Variants in KYNU observed in about 807,000 individuals in gnomAD.
The protein encoded by KYNU is kynureninase.
A neutral mutation model predicts 59.2 loss-of-function variants in KYNU; 54 were observed. The ratio of observed to expected loss-of-function variants is 0.91; its 90% CI spans 0.73 to 1.14. The LOEUF is 1.14. Among genes scored for constraint, KYNU ranks in the 50% most tolerant of loss-of-function variants. The probability of loss-of-function intolerance (pLI) is 0.00; values close to 1 mark genes in which losing one functional copy is unlikely to be tolerated. For missense variants in KYNU, 567 were observed against 554.4 expected, an observed-to-expected ratio of 1.02 and a Z score of -0.23; for synonymous variants, 177 against 192.0, an observed-to-expected ratio of 0.92 and a Z score of 0.65.
chr2:142,980,429 T>TG (rs1306067079), intron 8 of KYNU, among the ~76,000 whole-genome samples: 1 of 152,074 alleles, frequency 6.6e-6, no homozygotes, highest in Non-Finnish European at 1.5e-5. Flanking sequence ...TTACTAGGAA[T>TG]GCAGCCCAGC....
At chr2:142,894,979 G>C (rs1681820613) in intron 2 of KYNU, among the ~76,000 whole-genome samples, 1 of 152,116 alleles carries the variant, frequency 6.6e-6, no homozygotes, top group African/African-American at 2.4e-5. Context: ...TTTAACAAGT[G>C]ATGCTGGACC....
intron 10 of KYNU, among the ~76,000 whole-genome samples, chr2:143,017,434 C>CTTTTTTTTTTTTTTTT (rs1184177776): frequency 1.6e-4 from 11 of 68,448 alleles, no homozygotes; most frequent in Non-Finnish European, 2.3e-4. Flanking sequence ...TCTCTTTTTT[C>CTTTTTTTTTTTTTTTT]TTTTTTTTTT....
At chr2:142,988,384 T>C (rs570890297) in intron 10 of KYNU, among the ~76,000 whole-genome samples, 27 of 151,920 alleles carry the variant, frequency 1.8e-4, no homozygotes, top group Non-Finnish European at 3.5e-4. Flanking sequence ...AGTTTGTAAC[T>C]ATCACCAAGT....
In KYNU at chr2:143,051,072, CA is replaced by C. The variant is rs1432786498; in HGVS notation, c.*8903del. 7.9e-5 allele frequency: 12 copies of C among 152,280 alleles called. No individual in the cohort carries two copies. Among genetic ancestry groups the C allele is most frequent in the African/African-American group, 2.9e-4 (12 of 41,572 alleles). The allele number at this position is 152,280 out of a possible 1,614,324, so 9.4% of individuals were successfully genotyped here. A position where few individuals can be genotyped will look rare whatever the true frequency, so the allele number is the denominator to read the frequency against. Reference sequence around the variant, plus strand: ...TTTTAATTTCAGCAAGATTTAGTCTCAAATAACACAATAATAATGGAGGTCA... The same window carrying C: ...TTTTAATTTCAGCAAGATTTAGTCTCAATAACACAATAATAATGGAGGTCA... On this transcript the variant is annotated 3_prime_UTR_variant, in exon 14 of 14. Transcript: ENST00000264170.
intron 4 of KYNU, among the ~76,000 whole-genome samples, chr2:142,938,843 C>T (rs1683483443): frequency 6.6e-6 from 1 of 151,778 alleles, no homozygotes; most frequent in Non-Finnish European, 1.5e-5. Flanking sequence ...TTATAGGGGG[C>T]CAGGCATAGT....
chr2:143,031,949 TGAGAGAGA>T (rs139000371), intron 11 of KYNU, among the ~76,000 whole-genome samples: 1 of 148,406 alleles, frequency 6.7e-6, no homozygotes, highest in Non-Finnish European at 1.5e-5. Flanking sequence ...TGATGGGAGG[TGAGAGAGA>T]GAGAGAAAGA....
chr2:143,017,434 C>CTTTTTTTTTTTTT lies in KYNU; in HGVS notation c.903-12181_903-12169dup, dbSNP rs1184177776. ...TTTTTTGACCTTTTCTCTCTTTTTT[C>CTTTTTTTTTTTTT]TTTTTTTTTTTTTTTTTTTTTTTTG... is the stretch of plus-strand genomic sequence containing the variant. On this transcript the variant is annotated intron_variant, in intron 10 of 13. Transcript: ENST00000264170. Among the ~76,000 whole-genome samples the CTTTTTTTTTTTTT allele has an allele frequency of 7.0e-4, 48 of 68,454 alleles. 1 individual carries two copies. Among genetic ancestry groups the CTTTTTTTTTTTTT allele is most frequent in the African/African-American group, 1.3e-3 (21 of 16,766 alleles). The allele number at this position is 68,454 out of a possible 152,430, so 44.9% of individuals were successfully genotyped here.
intron 10 of KYNU, among the ~76,000 whole-genome samples, chr2:143,001,943 T>C (rs566375967): frequency 6.6e-6 from 1 of 152,326 alleles, no homozygotes; most frequent in Admixed American, 6.5e-5. Context: ...CTATTCCTTT[T>C]GAACAGGATT....
At chr2:142,983,665 GAGGGTCTT>G (rs1368403669) in intron 8 of KYNU, among the ~76,000 whole-genome samples, 33 of 152,172 alleles carry the variant, frequency 2.2e-4, no homozygotes, top group African/African-American at 5.3e-4. Context: ...AAAAACCACT[GAGGGTCTT>G]AGGAGATTTG....
intron 12 of KYNU, among the ~76,000 whole-genome samples, chr2:143,037,856 GA>G (rs1002300510): frequency 6.6e-6 from 1 of 152,112 alleles, no homozygotes; most frequent in African/African-American, 2.4e-5. Flanking sequence ...GTGAAGCTCA[GA>G]ATAGACTTTT....
At chr2:143,028,164 C>G (rs1686630371) in intron 10 of KYNU, among the ~76,000 whole-genome samples, 1 of 143,370 alleles carries the variant, frequency 7.0e-6, no homozygotes, top group Non-Finnish European at 1.5e-5. Flanking sequence ...GTTTTATAGT[C>G]TTTTTCATGT....
Position 143,042,040 on chromosome 2 carries a change from C to T in KYNU, c.1273-7C>T, listed in dbSNP as rs1266161840. On this transcript the variant is annotated splice_region_variant and splice_polypyrimidine_tract_variant and intron_variant, in intron 13 of 13. Transcript: ENST00000264170. ...AACATTATTGTGGCTTTATTTTTTCCCCACAGTGTGACAAGCGGAATCCAA... is the reference window on the plus strand; with the variant it reads ...AACATTATTGTGGCTTTATTTTTTCTCCACAGTGTGACAAGCGGAATCCAA... 3.1e-6 allele frequency: 5 copies of T among 1,610,854 alleles called. No homozygotes were observed. In the South Asian group the frequency reaches 3.3e-5, roughly 11 times the overall value.
chr2:142,996,552 G>T (rs1442806952), intron 10 of KYNU, among the ~76,000 whole-genome samples: 1 of 152,072 alleles, frequency 6.6e-6, no homozygotes, highest in African/African-American at 2.4e-5. Flanking sequence ...AAAGAAGAGG[G>T]ATGTTGGGAG....
chr2:142,924,547 T>C (rs998971496), intron 3 of KYNU, among the ~76,000 whole-genome samples: 4 of 152,240 alleles, frequency 2.6e-5, no homozygotes, highest in African/African-American at 7.2e-5. Context: ...CTTTGTGGGA[T>C]GGTTACAGCA....
intron 4 of KYNU, among the ~76,000 whole-genome samples, chr2:142,928,906 G>A (rs1364443969): frequency 1.3e-5 from 2 of 150,524 alleles, no homozygotes; most frequent in African/African-American, 4.9e-5. Flanking sequence ...TACTTGAGAG[G>A]CTGAGGTGGG....
chr2:142,901,513 C>T (rs142443199), intron 2 of KYNU, among the ~76,000 whole-genome samples: 2,699 of 152,164 alleles, frequency 0.018, 65 homozygotes, highest in African/African-American at 0.062. Context: ...CTGATGACCC[C>T]GGCAGTGTAA....
chr2:142,919,223 A>C (rs566013505), intron 3 of KYNU, among the ~76,000 whole-genome samples: 9 of 152,346 alleles, frequency 5.9e-5, no homozygotes, highest in African/African-American at 1.9e-4. Context: ...GGATCAGAAT[A>C]AGGTGACATA....
chr2:142,895,994 T>C (rs1490100435), intron 2 of KYNU, among the ~76,000 whole-genome samples: 6 of 152,228 alleles, frequency 3.9e-5, no homozygotes, highest in African/African-American at 9.6e-5. Flanking sequence ...GTCTCATATA[T>C]TCTTTCTCTT....
chr2:142,976,488 A>C (rs1438732132), intron 8 of KYNU, among the ~76,000 whole-genome samples: 6 of 152,204 alleles, frequency 3.9e-5, no homozygotes, highest in African/African-American at 1.4e-4. Flanking sequence ...GTCATTCAGT[A>C]GCTCTAGGAC....
Sources: allele counts gnomAD v4.1 joint callset (sites outside exome capture counted in the v4.1 genomes callset), GRCh38; gene constraint gnomAD v4.1.1; transcripts MANE v1.5; gene names NCBI Gene and HGNC (gene_info 2026-07-23, HGNC 2026-07-21).